ST6GALNAC3: variants seen among roughly 807,000 people sequenced by gnomAD.
ST6GALNAC3 encodes the protein ST6 N-acetylgalactosaminide alpha-2,6-sialyltransferase 3, also known as alpha-N-acetylgalactosaminide alpha-2,6-sialyltransferase 3.
ST6GALNAC3 carries 25 observed loss-of-function variants against 32.7 expected under a neutral mutation model. That is an observed-to-expected ratio of 0.76 (90% CI 0.56 to 1.07). The LOEUF is 1.07. ST6GALNAC3 is among the 50% of genes least tolerant of loss of function. ST6GALNAC3 has a pLI of 0.00. For synonymous variants in ST6GALNAC3, 129 were observed against 133.1 expected, an observed-to-expected ratio of 0.97 and a Z score of 0.21; for missense variants, 355 against 382.4, an observed-to-expected ratio of 0.93 and a Z score of 0.60.
At chr1:76,581,446 A>G (rs1646890559) in intron 3 of ST6GALNAC3, among the ~76,000 whole-genome samples, 2 of 152,148 alleles carry the variant, frequency 1.3e-5, no homozygotes, top group African/African-American at 4.8e-5. Flanking sequence ...ATAACTTTGT[A>G]GCATGTCATA....
chr1:76,272,034 T>TA (rs200944595), intron 1 of ST6GALNAC3, among the ~76,000 whole-genome samples: 1,803 of 151,882 alleles, frequency 0.012, 36 homozygotes, highest in African/African-American at 0.042. Context: ...CTTATTACAT[T>TA]AAAAAAATTA....
At chr1:76,625,669 C>G (rs1177633829) in intron 3 of ST6GALNAC3, among the ~76,000 whole-genome samples, 3 of 151,848 alleles carry the variant, frequency 2.0e-5, no homozygotes, top group African/African-American at 7.3e-5. Context: ...GCTGCTCCTC[C>G]TCAAACCCCA....
In ST6GALNAC3 at chr1:76,451,221, T is replaced by G. The variant is rs189298600; in HGVS notation, c.623+38804T>G. Among the ~76,000 whole-genome samples the G allele has an allele frequency of 3.5e-4, 53 of 152,312 alleles. No homozygotes were observed. In the East Asian group the frequency reaches 0.01, roughly 29 times the overall value. ...CTGCTAAGAAAGACATACCTGAGAC[T>G]GGGTAATTTAGAAAGGAAAGAGGTT... On this transcript the variant is annotated intron_variant, in intron 3 of 4. Transcript: ENST00000328299.
At position 76,276,460 on chromosome 1, in the gene ST6GALNAC3, A is replaced by G. The variant is rs533355618; in HGVS notation, c.19-37345A>G. ...CTGCCACTTGCCTTTTTGATTCCAC[A>G]TGATTTGTGAGATTCATCCATGCTG... On this transcript the variant is annotated intron_variant, in intron 1 of 4. Transcript: ENST00000328299. Among the ~76,000 whole-genome samples the G allele has an allele frequency of 3.9e-5, 6 of 152,182 alleles. No homozygotes were observed. The East Asian group carries it at 5.8e-4, about 15-fold the overall frequency.
intron 1 of ST6GALNAC3, among the ~76,000 whole-genome samples, chr1:76,287,659 G>T (rs1041592204): frequency 1.3e-4 from 20 of 152,246 alleles, no homozygotes; most frequent in African/African-American, 4.6e-4. Context: ...CATTATAAAA[G>T]CCAGCCTGCT....
intron 1 of ST6GALNAC3, among the ~76,000 whole-genome samples, chr1:76,090,855 A>AT (rs540181532): frequency 2.0e-5 from 3 of 152,322 alleles, no homozygotes; most frequent in African/African-American, 7.2e-5. Flanking sequence ...CTTTTGAGAC[A>AT]TTTTTAGCAC....
intron 1 of ST6GALNAC3, among the ~76,000 whole-genome samples, chr1:76,187,943 GT>G (rs994298305): frequency 6.6e-6 from 1 of 151,956 alleles, no homozygotes; most frequent in Non-Finnish European, 1.5e-5. Context: ...TTTTGTTTTT[GT>G]TTTTTTCCAG....
intron 3 of ST6GALNAC3, among the ~76,000 whole-genome samples, chr1:76,503,611 GAGA>G (rs1469938280): frequency 6.6e-6 from 1 of 152,186 alleles, no homozygotes. Context: ...AGATGTAGAG[GAGA>G]AGGAGCTTTG....
chr1:76,344,448 T>C (rs1305349897), intron 2 of ST6GALNAC3, among the ~76,000 whole-genome samples: 2 of 152,198 alleles, frequency 1.3e-5, no homozygotes, highest in Non-Finnish European at 2.9e-5. Context: ...GTATTATAAA[T>C]ATATGACATA....
intron 1 of ST6GALNAC3, among the ~76,000 whole-genome samples, chr1:76,156,587 G>A (rs1353750765): frequency 6.6e-6 from 1 of 151,186 alleles, no homozygotes. Flanking sequence ...TGACTCCTGT[G>A]TCCCTTTGAC....
At chr1:76,200,170 A>G (rs1570409200) in intron 1 of ST6GALNAC3, among the ~76,000 whole-genome samples, 3 of 152,314 alleles carry the variant, frequency 2.0e-5, no homozygotes, top group South Asian at 4.1e-4. Flanking sequence ...TTGGGCATCT[A>G]TTCCAAGTTA....
chr1:76,447,703 C>T (rs1657082873), intron 3 of ST6GALNAC3, among the ~76,000 whole-genome samples: 1 of 152,160 alleles, frequency 6.6e-6, no homozygotes, highest in Admixed American at 6.5e-5. Flanking sequence ...GATCAATGTA[C>T]AGCTTGGGCA....
intron 3 of ST6GALNAC3, among the ~76,000 whole-genome samples, chr1:76,534,514 T>G (rs890799809): frequency 5.9e-5 from 9 of 152,312 alleles, no homozygotes; most frequent in Admixed American, 5.2e-4. Context: ...AGACTCTTAA[T>G]TATATGCTGT....
chr1:76,163,332 G>C (rs1651927122), intron 1 of ST6GALNAC3, among the ~76,000 whole-genome samples: 1 of 152,224 alleles, frequency 6.6e-6, no homozygotes, highest in Admixed American at 6.5e-5. Flanking sequence ...GCACAATGCT[G>C]AGTCCACAGT....
chr1:76,340,494 A>G (rs1421439739), intron 2 of ST6GALNAC3, among the ~76,000 whole-genome samples: 1 of 152,210 alleles, frequency 6.6e-6, no homozygotes, highest in African/African-American at 2.4e-5. Context: ...GAGAGAAATC[A>G]TCAAGAAATT....
At chr1:76,594,687 T>G (rs185644021) in intron 3 of ST6GALNAC3, among the ~76,000 whole-genome samples, 225 of 152,340 alleles carry the variant, frequency 1.5e-3, no homozygotes, top group Non-Finnish European at 2.7e-3. Context: ...GCTGCTCCTT[T>G]GGGCTCTTTA....
intron 2 of ST6GALNAC3, among the ~76,000 whole-genome samples, chr1:76,342,740 T>G (rs1485624445): frequency 6.6e-6 from 1 of 151,676 alleles, no homozygotes; most frequent in Non-Finnish European, 1.5e-5. Flanking sequence ...CTAATATCTG[T>G]TTTTTTTAAT....
At chr1:76,250,391 T>A (rs904986798) in intron 1 of ST6GALNAC3, among the ~76,000 whole-genome samples, 1 of 152,226 alleles carries the variant, frequency 6.6e-6, no homozygotes, top group Non-Finnish European at 1.5e-5. Flanking sequence ...ATTGCTTTAA[T>A]TGGACATTCC....
rs745762662 is a variant in ST6GALNAC3 at position 76,074,902 on chromosome 1, T to C, written c.18+18T>C. 31 of 1,587,200 alleles carry C rather than the reference T, an allele frequency of 2.0e-5. No homozygotes were observed. The highest frequency in any genetic ancestry group is 2.3e-5 in the Non-Finnish European group (27 of 1,167,464). On this transcript the variant is annotated intron_variant, in intron 1 of 4. Transcript: ENST00000328299. ...TCCTGAAGGTAACGACTTGGATCTG[T>C]GGCTCGGACGCGTGGTTGGCCAGCC...
Sources: allele counts gnomAD v4.1 joint callset (sites outside exome capture counted in the v4.1 genomes callset), GRCh38; gene constraint gnomAD v4.1.1; transcripts MANE v1.5; gene names NCBI Gene and HGNC (gene_info 2026-07-23, HGNC 2026-07-21).